FBXO28: variants seen among roughly 807,000 people sequenced by gnomAD.
FBXO28 encodes F-box only protein 28.
A neutral mutation model predicts 38.1 loss-of-function variants in FBXO28; 8 were observed. The observed-to-expected ratio is 0.21, with a 90% confidence interval of 0.12 to 0.38. The LOEUF (loss-of-function observed/expected upper bound fraction) is 0.38, where lower values mean the gene tolerates loss of function less well. Ranked by LOEUF, FBXO28 falls within the 10% of genes least tolerant of loss-of-function variation. The pLI, the probability that FBXO28 is intolerant of heterozygous loss-of-function variation, is 1.00. For missense variants in FBXO28, 345 were observed against 460.6 expected (o/e 0.75, Z 2.30); for synonymous variants, 168 against 173.8 (o/e 0.97, Z 0.26).
At chr1:224,118,194 G>A (rs1277214958) in intron 1 of FBXO28, among the ~76,000 whole-genome samples, 3 of 151,540 alleles carry the variant, frequency 2.0e-5, no homozygotes, top group Non-Finnish European at 4.4e-5. Context: ...CAAGTGGTCC[G>A]CCCACCTCAG....
At chr1:224,142,118 G>A (rs565379477) in intron 3 of FBXO28, among the ~76,000 whole-genome samples, 3 of 149,060 alleles carry the variant, frequency 2.0e-5, no homozygotes, top group East Asian at 2.0e-4. Context: ...TTGGGAGGCC[G>A]AGGCAGGCGG....
intron 4 of FBXO28, 32 bp downstream of exon 4, chr1:224,153,369 A>C (rs745774530): frequency 3.4e-6 from 5 of 1,490,942 alleles, no homozygotes; most frequent in African/African-American, 2.9e-5. Flanking sequence ...GCTTGTACAT[A>C]ATTTTGTAAC....
chr1:224,144,332 A>G (rs1214038473), intron 3 of FBXO28, among the ~76,000 whole-genome samples: 2 of 151,860 alleles, frequency 1.3e-5, no homozygotes, highest in Admixed American at 1.3e-4. Context: ...ATGGTGGCAC[A>G]CACCTATGGT....
At chr1:224,133,758 G>A (rs1657110819) in intron 2 of FBXO28, among the ~76,000 whole-genome samples, 1 of 151,878 alleles carries the variant, frequency 6.6e-6, no homozygotes, top group Non-Finnish European at 1.5e-5. Flanking sequence ...TGATCCACCC[G>A]CCTCAGCCTC....
intron 1 of FBXO28, among the ~76,000 whole-genome samples, chr1:224,124,908 A>C (rs760654430): frequency 1.4e-4 from 21 of 151,972 alleles, no homozygotes; most frequent in Non-Finnish European, 2.8e-4. Flanking sequence ...TTGTATTTTT[A>C]GTAGAGATGG....
At chr1:224,140,252 A>T (rs557183501) in intron 3 of FBXO28, among the ~76,000 whole-genome samples, 2 of 152,344 alleles carry the variant, frequency 1.3e-5, no homozygotes, top group Non-Finnish European at 2.9e-5. Context: ...TGTAACACTG[A>T]TGTAATACTG....
In FBXO28 at chr1:224,119,252, G is replaced by C. The variant is rs553830398; in HGVS notation, c.267+4856G>C. 4.1e-5 allele frequency among the ~76,000 whole-genome samples: 6 copies of C among 144,916 alleles called. No homozygotes were observed. The South Asian group carries it at 1.3e-3, about 32-fold the overall frequency. ...AGGTTCATGCCATTTTCCTGCCTCA[G>C]CCTCCCAAGTAGCTGGGACTACAGG... On this transcript the variant is annotated intron_variant, in intron 1 of 4. Transcript: ENST00000366862.
intron 4 of FBXO28, among the ~76,000 whole-genome samples, chr1:224,155,277 C>T (rs1007593151): frequency 5.3e-5 from 8 of 152,020 alleles, no homozygotes; most frequent in Non-Finnish European, 1.2e-4. Flanking sequence ...GCAATTCTCC[C>T]GCCTCAGCCT....
At chr1:224,116,791 C>G (rs542967260) in intron 1 of FBXO28, among the ~76,000 whole-genome samples, 23 of 152,300 alleles carry the variant, frequency 1.5e-4, no homozygotes, top group African/African-American at 5.5e-4. Context: ...TAACATTTTT[C>G]AGTTATTTGT....
chr1:224,152,925 CAAAAAAAAAAAAAAAA>C (rs57616453), intron 3 of FBXO28, among the ~76,000 whole-genome samples: 3 of 64,908 alleles, frequency 4.6e-5, no homozygotes, highest in African/African-American at 1.9e-4. Context: ...AACTCTGTCT[CAAAAAAAAAAAAAAAA>C]AAAAAAAAAA....
chr1:224,129,588 T>C (rs756857090), intron 1 of FBXO28, among the ~76,000 whole-genome samples: 1 of 152,222 alleles, frequency 6.6e-6, no homozygotes, highest in Non-Finnish European at 1.5e-5. Flanking sequence ...CTATAGTCTG[T>C]GACCATAATA....
chr1:224,143,234 A>G (rs964668481), intron 3 of FBXO28, among the ~76,000 whole-genome samples: 5 of 151,706 alleles, frequency 3.3e-5, no homozygotes, highest in South Asian at 2.1e-4. Flanking sequence ...AAAAAAAAAA[A>G]AGAGAAGGAG....
chr1:224,136,940 C>T (rs1284151486), intron 3 of FBXO28, among the ~76,000 whole-genome samples: 4 of 151,146 alleles, frequency 2.6e-5, no homozygotes, highest in African/African-American at 7.3e-5. Context: ...TTAGTAGAGA[C>T]GAGGTTTCAC....
chr1:224,118,709 T>A (rs1656702151), intron 1 of FBXO28, among the ~76,000 whole-genome samples: 1 of 152,212 alleles, frequency 6.6e-6, no homozygotes, highest in South Asian at 2.1e-4. Context: ...AACCATTACT[T>A]CTTTTTTTGT....
At position 224,160,527 on chromosome 1, in the gene FBXO28, C is replaced by G. The variant is rs927296647; in HGVS notation, c.*2781C>G. The G allele has an allele frequency of 6.6e-6, 1 of 152,194 alleles. No homozygotes were observed. Among genetic ancestry groups the G allele is most frequent in the African/African-American group, 2.4e-5 (1 of 41,444 alleles). 9.4% of individuals were successfully genotyped at this position (152,194 alleles called of 1,614,324 possible). Reference sequence around the variant, plus strand: ...CCTTACCCCACCCCAGCCGGATCCTCTGCTTATCTCCCACATGCACTTGGC... The same window carrying G: ...CCTTACCCCACCCCAGCCGGATCCTGTGCTTATCTCCCACATGCACTTGGC... On this transcript the variant is annotated 3_prime_UTR_variant, in exon 5 of 5. Coordinates refer to ENST00000366862, the MANE Select transcript of FBXO28 (RefSeq NM_015176.4).
intron 3 of FBXO28, among the ~76,000 whole-genome samples, chr1:224,134,955 G>A (rs982849883): frequency 6.6e-6 from 1 of 152,052 alleles, no homozygotes; most frequent in Non-Finnish European, 1.5e-5. Flanking sequence ...CTGAATGTTC[G>A]CTTTTTGTTA....
chr1:224,118,074 A>G (rs1656687275), intron 1 of FBXO28, among the ~76,000 whole-genome samples: 2 of 151,394 alleles, frequency 1.3e-5, no homozygotes, highest in Admixed American at 1.3e-4. Flanking sequence ...CCCAGGCTGG[A>G]ATGCAGCGGC....
chr1:224,155,834 G>C (rs1263478888), intron 4 of FBXO28, among the ~76,000 whole-genome samples: 2 of 152,176 alleles, frequency 1.3e-5, no homozygotes, highest in Non-Finnish European at 2.9e-5. Context: ...GTAATACGTG[G>C]TGTCTGCTCT....
chr1:224,154,656 A>T (rs1657727591), intron 4 of FBXO28, among the ~76,000 whole-genome samples: 1 of 152,134 alleles, frequency 6.6e-6, no homozygotes, highest in Admixed American at 6.5e-5. Flanking sequence ...AAAATACAAA[A>T]AATTAGCTGG....
Sources: allele counts gnomAD v4.1 joint callset (sites outside exome capture counted in the v4.1 genomes callset), GRCh38; gene constraint gnomAD v4.1.1; transcripts MANE v1.5; gene names NCBI Gene and HGNC (gene_info 2026-07-23, HGNC 2026-07-21).